RAD51B: variants seen among roughly 807,000 people sequenced by gnomAD.
RAD51B encodes RAD51 paralog B, also known as DNA repair protein RAD51 homolog 2.
A neutral mutation model predicts 42.2 loss-of-function variants in RAD51B; 38 were observed. That is an observed-to-expected ratio of 0.90 (90% CI 0.70 to 1.18). RAD51B has a LOEUF of 1.18. Among genes scored for constraint, RAD51B ranks in the 50% most tolerant of loss-of-function variants. The pLI is 0.00. For synonymous variants in RAD51B, 154 were observed against 145.2 expected, an observed-to-expected ratio of 1.06 and a Z score of -0.43; for missense variants, 373 against 400.7, an observed-to-expected ratio of 0.93 and a Z score of 0.59.
chr14:68,024,258 A>G (rs1015242687), intron 7 of RAD51B, among the ~76,000 whole-genome samples: 3 of 152,106 alleles, frequency 2.0e-5, no homozygotes, highest in Non-Finnish European at 2.9e-5. Context: ...GTACAGTTTG[A>G]AGTCAATTAG....
intron 11 of RAD51B, among the ~76,000 whole-genome samples, chr14:68,656,990 AAG>A (rs1892829283): frequency 6.6e-6 from 1 of 152,212 alleles, no homozygotes; most frequent in African/African-American, 2.4e-5. Flanking sequence ...TAAAACAGGA[AAG>A]AGCCTCAGTA....
chr14:68,544,478 C>T (rs148013587), intron 10 of RAD51B, among the ~76,000 whole-genome samples: 3 of 152,308 alleles, frequency 2.0e-5, no homozygotes, highest in East Asian at 1.9e-4. Context: ...AGTGATCTGA[C>T]GCAGCAAGCA....
At chr14:68,080,589 C>T (rs2076897702) in intron 7 of RAD51B, among the ~76,000 whole-genome samples, 1 of 152,182 alleles carries the variant, frequency 6.6e-6, no homozygotes, top group Non-Finnish European at 1.5e-5. Context: ...CTGAAAGCCT[C>T]ACTTTGGTCT....
At position 68,371,378 on chromosome 14, in the gene RAD51B, C is replaced by T. The variant is rs191606958; in HGVS notation, c.854-40046C>T. On this transcript the variant is annotated intron_variant, in intron 8 of 10. Coordinates refer to ENST00000471583, the MANE Select transcript of RAD51B (RefSeq NM_133510.4). The stretch of plus-strand genomic sequence containing the variant: ...CTAAAAATACCAAAAATTAGCTGGG[C>T]GTGGTGGTGCATGCCTGTAGTCCTA... Among the ~76,000 whole-genome samples, 384 of 152,160 alleles carry T rather than the reference C, an allele frequency of 2.5e-3. 2 individuals are homozygous for T. Among genetic ancestry groups the T allele is most frequent in the African/African-American group, 8.9e-3 (368 of 41,510 alleles).
intron 7 of RAD51B, among the ~76,000 whole-genome samples, chr14:68,283,788 C>T (rs2081364842): frequency 6.6e-6 from 1 of 152,348 alleles, no homozygotes; most frequent in East Asian, 1.9e-4. Context: ...ACGGTAGCTG[C>T]CGGCCCACAG....
chr14:67,995,916 C>T (rs1284365060), intron 7 of RAD51B, among the ~76,000 whole-genome samples: 1 of 152,026 alleles, frequency 6.6e-6, no homozygotes, highest in Non-Finnish European at 1.5e-5. Context: ...CGCGCCCGGC[C>T]TATATTCTTC....
chr14:67,821,006 G>A (rs1477213519), intron 1 of RAD51B, among the ~76,000 whole-genome samples: 3 of 152,146 alleles, frequency 2.0e-5, no homozygotes, highest in African/African-American at 7.2e-5. Context: ...ACCCTAAGAA[G>A]TTTGGAATTT....
intron 4 of RAD51B, among the ~76,000 whole-genome samples, chr14:67,857,357 C>G (rs2042029796): frequency 6.6e-6 from 1 of 152,160 alleles, no homozygotes; most frequent in East Asian, 1.9e-4. Flanking sequence ...AAATCTCTTA[C>G]TGTTATTCAC....
intron 10 of RAD51B, among the ~76,000 whole-genome samples, chr14:68,544,952 G>A (rs1888144783): frequency 6.6e-6 from 1 of 152,230 alleles, no homozygotes; most frequent in Non-Finnish European, 1.5e-5. Context: ...TTAGGGAATA[G>A]TAATTAAGGA....
rs369050611 is a variant in RAD51B at position 68,578,658 on chromosome 14, T to C, written c.1037-15827T>C. On this transcript the variant is annotated intron_variant, in intron 10 of 10. Coordinates refer to the RAD51B transcript ENST00000487270. Reference sequence around the variant, plus strand: ...CACAGGCAAAGGGCCCTTATAATGATATAAAGGAGACCAAGTTGGAAGGAA... The same window carrying C: ...CACAGGCAAAGGGCCCTTATAATGACATAAAGGAGACCAAGTTGGAAGGAA... Among the ~76,000 whole-genome samples the C allele has an allele frequency of 2.6e-5, 4 of 152,124 alleles. No individual in the cohort carries two copies. The South Asian group carries it at 6.2e-4, about 24-fold the overall frequency.
intron 7 of RAD51B, among the ~76,000 whole-genome samples, chr14:67,962,319 A>G (rs1213176446): frequency 6.6e-6 from 1 of 152,242 alleles, no homozygotes; most frequent in Non-Finnish European, 1.5e-5. Flanking sequence ...CTTCACTGAA[A>G]TGAGGAACTG....
intron 8 of RAD51B, among the ~76,000 whole-genome samples, chr14:68,332,296 TAC>T (rs374934075): frequency 6.6e-6 from 1 of 151,706 alleles, no homozygotes; most frequent in Non-Finnish European, 1.5e-5. Flanking sequence ...ACAAATGAGA[TAC>T]ACACACACAC....
chr14:68,609,983 C>A (rs118077675), intron 10 of RAD51B, among the ~76,000 whole-genome samples: 1 of 151,998 alleles, frequency 6.6e-6, no homozygotes, highest in Non-Finnish European at 1.5e-5. Context: ...CCCAGCACAT[C>A]GCTTCTGTCT....
intron 10 of RAD51B, among the ~76,000 whole-genome samples, chr14:68,504,110 AC>A (rs1387270890): frequency 6.6e-6 from 1 of 152,174 alleles, no homozygotes; most frequent in Non-Finnish European, 1.5e-5. Flanking sequence ...AGGCATGGAC[AC>A]ATTCCGGTAC....
intron 10 of RAD51B, among the ~76,000 whole-genome samples, chr14:68,619,598 G>A (rs1228766597): frequency 6.6e-6 from 1 of 152,220 alleles, no homozygotes; most frequent in African/African-American, 2.4e-5. Context: ...CCCCCAGGCT[G>A]AAGCACATTT....
chr14:67,870,804 A>G (rs1377043033), intron 5 of RAD51B, among the ~76,000 whole-genome samples: 1 of 119,558 alleles, frequency 8.4e-6, no homozygotes, highest in Non-Finnish European at 1.7e-5. Context: ...GCTCAACTAC[A>G]TGGAAACTGA....
chr14:68,333,408 C>T (rs2082386732), intron 8 of RAD51B, among the ~76,000 whole-genome samples: 2 of 152,128 alleles, frequency 1.3e-5, no homozygotes, highest in African/African-American at 4.8e-5. Flanking sequence ...TGTTGGTGAG[C>T]ATATAAGAAA....
At position 68,156,455 on chromosome 14, in the gene RAD51B, TTCTCTCTCTC is replaced by T. The variant is rs10650896; in HGVS notation, c.757-135397_757-135388del. ...AAGTCAAGAAAGCACCTTAGAAAAT[TTCTCTCTCTC>T]TCTCTCTCTCTCTCTCTCTCTCTCT... On this transcript the variant is annotated intron_variant, in intron 7 of 10. Transcript: ENST00000471583. Among the ~76,000 whole-genome samples, 411 of 114,344 alleles carry T rather than the reference TTCTCTCTCTC, an allele frequency of 3.6e-3. 4 individuals are homozygous for T. The highest frequency in any genetic ancestry group is 9.6e-3 in the South Asian group (29 of 3,010). The allele number at this position is 114,344 out of a possible 152,430, so 75.0% of individuals were successfully genotyped here.
chr14:68,537,639 A>T (rs1186525094), intron 10 of RAD51B, among the ~76,000 whole-genome samples: 2 of 152,224 alleles, frequency 1.3e-5, no homozygotes, highest in Non-Finnish European at 2.9e-5. Context: ...AAAACCCTTA[A>T]TGAAAAGTAC....
Sources: allele counts gnomAD v4.1 joint callset (sites outside exome capture counted in the v4.1 genomes callset), GRCh38; gene constraint gnomAD v4.1.1; transcripts MANE v1.5; gene names NCBI Gene and HGNC (gene_info 2026-07-23, HGNC 2026-07-21).